CHRNA5: variants seen among roughly 807,000 people sequenced by gnomAD.
CHRNA5 encodes the protein cholinergic receptor nicotinic alpha 5 subunit, also known as neuronal acetylcholine receptor subunit alpha-5.
A neutral mutation model predicts 41.2 loss-of-function variants in CHRNA5; 28 were observed. That is an observed-to-expected ratio of 0.68 (90% confidence interval 0.50 to 0.93). The LOEUF (loss-of-function observed/expected upper bound fraction) is 0.93. CHRNA5 is among the 40% of genes least tolerant of loss of function. The pLI is 0.00. For missense variants in CHRNA5, 481 were observed against 581.9 expected (o/e 0.83, Z 1.78); for synonymous variants, 188 against 205.8 (o/e 0.91, Z 0.74).
chr15:78,568,728 G>A (rs2052772241), intron 1 of CHRNA5, among the ~76,000 whole-genome samples: 1 of 152,136 alleles, frequency 6.6e-6, no homozygotes, highest in South Asian at 2.1e-4. Context: ...AAGAGAACAT[G>A]CGGTGTTTGG....
exon 5 of CHRNA5, chr15:78,590,094 T>C (rs2052997601): frequency 1.2e-6 from 2 of 1,614,220 alleles, no homozygotes; most frequent in African/African-American, 1.3e-5. Flanking sequence ...CGACAGCTGT[T>C]GCTGGTATCC....
At chr15:78,565,721 T>C in exon 1 of CHRNA5, 1 of 1,164,748 alleles carries the variant, frequency 8.6e-7, no homozygotes. Context: ...CGCGGGGCGA[T>C]GGCGGCGCGG....
chr15:78,578,185 A>G (rs892018004), intron 1 of CHRNA5, among the ~76,000 whole-genome samples: 2 of 152,168 alleles, frequency 1.3e-5, no homozygotes, highest in African/African-American at 4.8e-5. Flanking sequence ...CACAAACTCC[A>G]TAGTATTTGT....
chr15:78,574,135 CA>C (rs1261259927), intron 1 of CHRNA5, among the ~76,000 whole-genome samples: 1 of 151,160 alleles, frequency 6.6e-6, no homozygotes, highest in Non-Finnish European at 1.5e-5. Flanking sequence ...TTTAAATCCT[CA>C]GGGGGAGGCC....
At chr15:78,578,978 A>T (rs1193191722) in intron 1 of CHRNA5, among the ~76,000 whole-genome samples, 1 of 152,146 alleles carries the variant, frequency 6.6e-6, no homozygotes, top group Non-Finnish European at 1.5e-5. Context: ...GCATAAGCAT[A>T]ACTGTGATCC....
chr15:78,571,061 C>T (rs1204145710), intron 1 of CHRNA5, among the ~76,000 whole-genome samples: 3 of 152,186 alleles, frequency 2.0e-5, no homozygotes, highest in Non-Finnish European at 2.9e-5. Context: ...TCCCTCAGAA[C>T]GCAGATGCTG....
intron 1 of CHRNA5, among the ~76,000 whole-genome samples, chr15:78,569,172 A>G (rs1205922083): frequency 6.6e-6 from 1 of 152,218 alleles, no homozygotes; most frequent in Non-Finnish European, 1.5e-5. Flanking sequence ...ATTTCCTGAT[A>G]CACTGCAGAT....
chr15:78,589,749 C>T, intron 4 of CHRNA5, 56 bp from the exon 5 acceptor site: 2 of 1,334,450 alleles, frequency 1.5e-6, no homozygotes, highest in Non-Finnish European at 2.1e-6. Context: ...TATATTAATA[C>T]AATTCATGTG....
rs538438797 is a variant in CHRNA5, at chr15:78,580,723, G to A, written c.107-88G>A. On this transcript the variant is annotated intron_variant, in intron 1 of 5. Coordinates refer to ENST00000299565, the Ensembl canonical transcript of CHRNA5. ...CCGATCTTGGCTCACTGCAACCTTT[G>A]CCTCCTGGGTTTGAACTTTTGTTTG... 3.2e-5 allele frequency: 37 copies of A among 1,146,330 alleles called. No homozygotes were observed. The South Asian group carries it at 5.9e-4, about 18-fold the overall frequency. The allele number at this position is 1,146,330 out of a possible 1,614,324, so 71.0% of individuals were successfully genotyped here.
intron 2 of CHRNA5, among the ~76,000 whole-genome samples, chr15:78,585,140 A>G (rs1266235491): frequency 6.6e-6 from 1 of 151,498 alleles, no homozygotes; most frequent in Non-Finnish European, 1.5e-5. Flanking sequence ...CTGGTCTCGA[A>G]CTCCTGACCT....
intron 5 of CHRNA5, chr15:78,590,926 A>ATATT (rs1240500217): frequency 8.6e-6 from 3 of 349,622 alleles, no homozygotes; most frequent in African/African-American, 6.4e-5. Context: ...TAATCCTGCC[A>ATATT]TATTTCTTGG....
intron 2 of CHRNA5, among the ~76,000 whole-genome samples, chr15:78,586,358 G>A (rs907737045): frequency 6.6e-6 from 1 of 152,184 alleles, no homozygotes; most frequent in East Asian, 1.9e-4. Flanking sequence ...ATCTTAGACT[G>A]CATCTTAAAT....
intron 1 of CHRNA5, among the ~76,000 whole-genome samples, chr15:78,575,962 C>T (rs1260920654): frequency 1.3e-5 from 2 of 152,128 alleles, no homozygotes; most frequent in Non-Finnish European, 2.9e-5. Flanking sequence ...TAATTTAGAT[C>T]TCTTGCCCAT....
chr15:78,584,221 G>A (rs1000651720), intron 2 of CHRNA5, among the ~76,000 whole-genome samples: 6 of 152,276 alleles, frequency 3.9e-5, no homozygotes, highest in South Asian at 4.1e-4. Context: ...AAGCTCCCCG[G>A]AATCATATTT....
intron 1 of CHRNA5, among the ~76,000 whole-genome samples, chr15:78,576,149 T>TG: frequency 6.6e-6 from 1 of 152,234 alleles, no homozygotes; most frequent in South Asian, 2.1e-4. Context: ...TTGTTTTTTT[T>TG]TTTGTTGTTG....
At chr15:78,567,000 C>T (rs1470899458) in intron 1 of CHRNA5, among the ~76,000 whole-genome samples, 2 of 152,188 alleles carry the variant, frequency 1.3e-5, no homozygotes, top group East Asian at 3.9e-4. Context: ...CGCCTGTAAT[C>T]CCAGCACTTT....
At chr15:78,577,909 T>C (rs2052872932) in intron 1 of CHRNA5, among the ~76,000 whole-genome samples, 1 of 135,192 alleles carries the variant, frequency 7.4e-6, no homozygotes, top group Non-Finnish European at 1.5e-5. Context: ...CCAGACTGAG[T>C]GACAGAGACC....
intron 1 of CHRNA5, among the ~76,000 whole-genome samples, chr15:78,570,364 T>C (rs1430384422): frequency 6.6e-6 from 1 of 150,632 alleles, no homozygotes; most frequent in African/African-American, 2.4e-5. Context: ...GTCCAAATGA[T>C]TCTCGTGCCT....
exon 5 of CHRNA5, chr15:78,589,839 A>G (rs781155351): frequency 6.2e-7 from 1 of 1,607,274 alleles, no homozygotes; most frequent in Non-Finnish European, 8.5e-7. Flanking sequence ...CAGTACGAAA[A>G]CAGTCATCAG....
Sources: gnomAD v4.1 joint callset for allele counts (sites outside exome capture counted in the v4.1 genomes callset) on GRCh38, gnomAD v4.1.1 for gene constraint, MANE v1.5 for transcripts, NCBI Gene and HGNC (gene_info 2026-07-23, HGNC 2026-07-21) for gene names.